EFCAB13: variants seen among roughly 807,000 people sequenced by gnomAD.
EFCAB13 encodes the protein EF-hand calcium-binding domain-containing protein 13.
A neutral mutation model predicts 110.2 loss-of-function variants in EFCAB13; 91 were observed. That is an observed-to-expected ratio of 0.83 (90% CI 0.70 to 0.98). EFCAB13 has a LOEUF of 0.98. EFCAB13 is among the 50% of genes least tolerant of loss of function. The pLI is 0.00. For missense variants in EFCAB13, 968 were observed against 1,119.4 expected (o/e 0.86, Z 1.93); for synonymous variants, 323 against 369.9 (o/e 0.87, Z 1.45).
intron 3 of EFCAB13, 195 bp from the exon 4 acceptor site, chr17:47,328,074 A>G (rs2065297568): frequency 4.2e-6 from 2 of 470,994 alleles, no homozygotes; most frequent in East Asian, 6.8e-5. Context: ...GGTAAAGTTA[A>G]GGAATTGGAT....
intron 6 of EFCAB13, among the ~76,000 whole-genome samples, chr17:47,343,592 C>T (rs2065397884): frequency 6.6e-6 from 1 of 152,098 alleles, no homozygotes; most frequent in East Asian, 1.9e-4. Flanking sequence ...CATTAAAACT[C>T]AATGCTCAGG....
At chr17:47,424,431 C>G (rs1265048173) in intron 23 of EFCAB13, among the ~76,000 whole-genome samples, 1 of 152,196 alleles carries the variant, frequency 6.6e-6, no homozygotes. Context: ...GGAGAACTCA[C>G]TTCAGCAGAA....
chr17:47,395,999 A>G (rs2065735953), intron 17 of EFCAB13, 22 bp downstream of exon 17: 1 of 1,569,240 alleles, frequency 6.4e-7, no homozygotes, highest in Admixed American at 1.8e-5. Flanking sequence ...AAATACTAAA[A>G]TTAAAAAGTA....
intron 5 of EFCAB13, among the ~76,000 whole-genome samples, chr17:47,337,249 T>C (rs746650663): frequency 2.6e-5 from 4 of 152,242 alleles, no homozygotes; most frequent in African/African-American, 4.8e-5. Flanking sequence ...GTTAGCACTG[T>C]GGGAAGCACA....
chr17:47,352,018 C>T (rs1015598817), intron 9 of EFCAB13, among the ~76,000 whole-genome samples: 1 of 151,308 alleles, frequency 6.6e-6, no homozygotes, highest in Non-Finnish European at 1.5e-5. Context: ...TCTCCTGCCT[C>T]AGCCTCCCAT....
chr17:47,398,140 A>G (rs1315792110), intron 17 of EFCAB13, among the ~76,000 whole-genome samples: 1 of 129,982 alleles, frequency 7.7e-6, no homozygotes, highest in Non-Finnish European at 1.6e-5. Flanking sequence ...CTGGCCAGCC[A>G]CCCCGTCTGG....
rs761307289 is a variant in EFCAB13, at chr17:47,404,609, AC to A, written c.2212del (p.Gln738ArgfsTer16). ...AGACTGTATGAGGGCTTTGAGGGAC[AC>A]CCAGAAATTTTCCAATTATATTGGT... ...IKDCMRALRD[T>X]QKFSNYIDFR... On this transcript the variant is annotated frameshift_variant, in exon 20 of 25. Coordinates refer to ENST00000331493, the MANE Select transcript of EFCAB13 (RefSeq NM_152347.5). LOFTEE classifies it high-confidence loss of function. 1 of 1,612,678 alleles carries A rather than the reference AC, an allele frequency of 6.2e-7. No homozygotes were observed. The highest frequency in any genetic ancestry group is 8.5e-7 in the Non-Finnish European group (1 of 1,179,124).
chr17:47,410,782 C>T (rs1468503327), intron 21 of EFCAB13, among the ~76,000 whole-genome samples: 1 of 152,170 alleles, frequency 6.6e-6, no homozygotes, highest in African/African-American at 2.4e-5. Context: ...GGGAAAACAA[C>T]ATTAAGTCTG....
chr17:47,397,282 G>A (rs1175800268), intron 17 of EFCAB13, among the ~76,000 whole-genome samples: 3 of 152,188 alleles, frequency 2.0e-5, no homozygotes, highest in Admixed American at 6.5e-5. Flanking sequence ...CCGGGGTGCC[G>A]GGATTGCAGA....
chr17:47,411,747 T>C (rs1272826781), intron 21 of EFCAB13, among the ~76,000 whole-genome samples: 1 of 152,114 alleles, frequency 6.6e-6, no homozygotes, highest in Non-Finnish European at 1.5e-5. Context: ...TATGGAAACA[T>C]AGACAACTTC....
At chr17:47,417,693 C>T (rs1027844954) in intron 23 of EFCAB13, among the ~76,000 whole-genome samples, 5 of 152,174 alleles carry the variant, frequency 3.3e-5, no homozygotes, top group South Asian at 2.1e-4. Flanking sequence ...TTTTTTTTCT[C>T]GCCATTTCCA....
chr17:47,361,402 T>C lies in EFCAB13; in HGVS notation c.686T>C (p.Phe229Ser). Residue 229 changes from phenylalanine (F) to serine (S), a missense_variant, in exon 10 of 25, where the codon TTC becomes TCC. Physicochemically the swap from Phe to Ser is radical, Grantham distance 155. Coordinates refer to ENST00000331493, the MANE Select transcript of EFCAB13 (RefSeq NM_152347.5). Reference protein sequence around the residue: ...IDAFQDALKIFCRIKGGRVST... With the variant: ...IDAFQDALKISCRIKGGRVST... ...GCATTCCAGGATGCCTTGAAGATTT[T>C]CTGTAGGATAAAAGGTGGTCGAGTT... is the stretch of plus-strand genomic sequence containing the variant. The C allele has an allele frequency of 6.2e-7, 1 of 1,613,542 alleles. No individual in the cohort carries two copies. The highest frequency in any genetic ancestry group is 2.2e-5 in the East Asian group (1 of 44,810).
Position 47,374,824 on chromosome 17 carries a change from GAAGAGTAGTAC to G in EFCAB13, c.1234_1244del (p.Ser412ProfsTer3). On this transcript the variant is annotated frameshift_variant, in exon 12 of 25. Coordinates refer to ENST00000331493, the MANE Select transcript of EFCAB13 (RefSeq NM_152347.5). LOFTEE classifies it high-confidence loss of function. ...ACTCAAAGTCTAAACCACAAAGCTT[GAAGAGTAGTAC>G]AAGCCTCAGTAAGTCTCTGGATAAA... 1 of 1,614,026 alleles carries G rather than the reference GAAGAGTAGTAC, an allele frequency of 6.2e-7. No homozygotes were observed. The highest frequency in any genetic ancestry group is 8.5e-7 in the Non-Finnish European group (1 of 1,179,988).
rs200215408 is a variant in EFCAB13, at chr17:47,440,579, G to A, written c.2787G>A (p.Gln929=). The change falls in exon 25 of 25, where the codon CAG becomes CAA. Residue 929 remains glutamine, a synonymous_variant. Transcript: ENST00000331493. ...TGGTTTACATGTTAAAAACAATACA[G>A]GATTCGATAGTTAAAGCACAGGTAA... The part of the protein sequence containing the change: ...QAVVYMLKTI[Q]DSIVKAQVSK... 92 of 1,613,138 alleles carry A rather than the reference G, an allele frequency of 5.7e-5. 1 individual carries two copies. The East Asian group carries it at 2.0e-3, about 36-fold the overall frequency.
At chr17:47,394,149 C>A in intron 16 of EFCAB13, 50 bp downstream of exon 16, 2 of 1,248,060 alleles carry the variant, frequency 1.6e-6, no homozygotes, top group Non-Finnish European at 2.2e-6. Flanking sequence ...AATAGTTTGA[C>A]AGATTTTAGA....
chr17:47,371,062 G>GTTTTTTTTTTTTTTTT (rs779767798), intron 11 of EFCAB13, among the ~76,000 whole-genome samples: 1 of 108,992 alleles, frequency 9.2e-6, no homozygotes, highest in Admixed American at 9.1e-5. Context: ...TTTAATGGTT[G>GTTTTTTTTTTTTTTTT]TTTTTTTTTT....
At chr17:47,409,745 A>G in intron 21 of EFCAB13, 54 bp downstream of exon 21, 1 of 1,347,172 alleles carries the variant, frequency 7.4e-7, no homozygotes, top group South Asian at 1.2e-5. Flanking sequence ...GATATTTTTT[A>G]GAATAATTGC....
intron 10 of EFCAB13, among the ~76,000 whole-genome samples, chr17:47,365,862 CAG>C (rs2065542725): frequency 6.6e-6 from 1 of 152,058 alleles, no homozygotes; most frequent in African/African-American, 2.4e-5. Flanking sequence ...ACAAGTGACT[CAG>C]GAATCCTCAA....
In EFCAB13 at chr17:47,398,401, C is replaced by T. The variant is rs1327571060; in HGVS notation, c.1945+2424C>T. On this transcript the variant is annotated intron_variant, in intron 17 of 24. Coordinates refer to ENST00000331493, the MANE Select transcript of EFCAB13 (RefSeq NM_152347.5). ...TGAGAACGGGCCATGATGACAATGG[C>T]GGTTTTGTGGAATAGAAAGGGGGGA... Among the ~76,000 whole-genome samples the T allele has an allele frequency of 3.1e-4, 47 of 150,648 alleles. 1 individual carries two copies. The highest frequency in any genetic ancestry group is 1.1e-3 in the African/African-American group (46 of 41,100).
Sources: gnomAD v4.1 joint callset for allele counts (sites outside exome capture counted in the v4.1 genomes callset) on GRCh38, gnomAD v4.1.1 for gene constraint, MANE v1.5 for transcripts, NCBI Gene and HGNC (gene_info 2026-07-23, HGNC 2026-07-21) for gene names.